Variants in ST6GALNAC5 observed in about 807,000 individuals in gnomAD.
ST6GALNAC5 encodes alpha-N-acetylgalactosaminide alpha-2,6-sialyltransferase 5.
In ST6GALNAC5, 27 loss-of-function variants were observed where a neutral mutation model predicts 33.6. That is an observed-to-expected ratio of 0.80 (90% CI 0.59 to 1.11). The LOEUF is 1.11. ST6GALNAC5 is among the 50% of genes least tolerant of loss of function. The probability of loss-of-function intolerance (pLI) is 0.00; values close to 1 mark genes in which losing one functional copy is unlikely to be tolerated. For synonymous variants in ST6GALNAC5, 194 were observed against 171.2 expected (o/e 1.13, Z -1.04); for missense variants, 428 against 454.0 (o/e 0.94, Z 0.52).
chr1:76,917,848 G>T (rs1646991073), intron 2 of ST6GALNAC5, among the ~76,000 whole-genome samples: 1 of 152,012 alleles, frequency 6.6e-6, no homozygotes, highest in Non-Finnish European at 1.5e-5. Context: ...GAGTCCAAAG[G>T]CAGGAAAAGA....
At chr1:76,985,192 G>A (rs754647036) in intron 2 of ST6GALNAC5, among the ~76,000 whole-genome samples, 2 of 152,090 alleles carry the variant, frequency 1.3e-5, no homozygotes, top group Non-Finnish European at 2.9e-5. Context: ...AAGAAAGAAA[G>A]GGTATTCAAT....
chr1:77,051,554 ACT>A (rs574100215), intron 4 of ST6GALNAC5, among the ~76,000 whole-genome samples: 96 of 152,094 alleles, frequency 6.3e-4, no homozygotes, highest in South Asian at 1.7e-3. Flanking sequence ...ATAGTAATAG[ACT>A]CTGCCTCAAA....
intron 2 of ST6GALNAC5, among the ~76,000 whole-genome samples, chr1:77,015,814 G>A (rs1650810180): frequency 6.6e-6 from 1 of 152,056 alleles, no homozygotes; most frequent in South Asian, 2.1e-4. Context: ...CAAAGCCCCA[G>A]AGGCAAGACA....
chr1:76,966,239 G>C (rs1557739893), intron 2 of ST6GALNAC5, among the ~76,000 whole-genome samples: 1 of 152,176 alleles, frequency 6.6e-6, no homozygotes, highest in Non-Finnish European at 1.5e-5. Context: ...CATGAGCATG[G>C]AAGGTTCTTC....
chr1:77,001,744 T>G (rs1277318426), intron 2 of ST6GALNAC5, among the ~76,000 whole-genome samples: 2 of 150,246 alleles, frequency 1.3e-5, no homozygotes, highest in East Asian at 4.0e-4. Flanking sequence ...TCTATTGAGA[T>G]AATCATGTGG....
chr1:76,891,318 A>G (rs990040924), intron 2 of ST6GALNAC5, among the ~76,000 whole-genome samples: 1 of 152,148 alleles, frequency 6.6e-6, no homozygotes, highest in East Asian at 1.9e-4. Context: ...ATCTCCTTGT[A>G]GTTTGAATTT....
At chr1:77,031,170 A>G (rs1651437954) in intron 2 of ST6GALNAC5, among the ~76,000 whole-genome samples, 1 of 152,242 alleles carries the variant, frequency 6.6e-6, no homozygotes, top group Non-Finnish European at 1.5e-5. Flanking sequence ...TCCATCAATG[A>G]TTAGCAAATG....
intron 2 of ST6GALNAC5, among the ~76,000 whole-genome samples, chr1:77,017,451 A>G (rs549602282): frequency 1.0e-3 from 159 of 152,280 alleles, no homozygotes; most frequent in African/African-American, 3.7e-3. Flanking sequence ...GGCATGGGTG[A>G]GGGTCAAGGG....
chr1:76,887,080 C>T (rs1653913645), intron 2 of ST6GALNAC5, among the ~76,000 whole-genome samples: 1 of 152,138 alleles, frequency 6.6e-6, no homozygotes, highest in Admixed American at 6.6e-5. Flanking sequence ...CATGGCAGCA[C>T]TTGAGTCTCC....
chr1:76,913,716 C>G (rs1646938318), intron 2 of ST6GALNAC5, among the ~76,000 whole-genome samples: 1 of 151,694 alleles, frequency 6.6e-6, no homozygotes, highest in Admixed American at 6.6e-5. Context: ...GGCATCGGCT[C>G]CAAACCCACA....
intron 2 of ST6GALNAC5, among the ~76,000 whole-genome samples, chr1:76,997,313 T>A (rs905187781): frequency 1.3e-5 from 2 of 152,136 alleles, no homozygotes; most frequent in South Asian, 4.1e-4. Context: ...GAGAAGACTG[T>A]TAGGAACAAT....
At chr1:76,972,038 G>A (rs942175790) in intron 2 of ST6GALNAC5, among the ~76,000 whole-genome samples, 3 of 152,088 alleles carry the variant, frequency 2.0e-5, no homozygotes, top group South Asian at 2.1e-4. Context: ...TAATCATTTT[G>A]TATTAGTCTG....
intron 2 of ST6GALNAC5, among the ~76,000 whole-genome samples, chr1:76,983,674 G>A (rs531668805): frequency 7.2e-5 from 11 of 152,252 alleles, no homozygotes; most frequent in East Asian, 1.9e-4. Context: ...ATAGACAGCT[G>A]CAGAACTCTC....
At chr1:76,988,001 C>A (rs1278171254) in intron 2 of ST6GALNAC5, among the ~76,000 whole-genome samples, 1 of 152,114 alleles carries the variant, frequency 6.6e-6, no homozygotes, top group African/African-American at 2.4e-5. Flanking sequence ...TCCTTAGAAA[C>A]ACCAATTATT....
chr1:76,937,942 G>GA (rs1647232367), intron 2 of ST6GALNAC5, among the ~76,000 whole-genome samples: 1 of 151,942 alleles, frequency 6.6e-6, no homozygotes, highest in South Asian at 2.1e-4. Context: ...ACACACGTAT[G>GA]TTTCCTGTCG....
At chr1:76,979,712 A>C (rs1444493918) in intron 2 of ST6GALNAC5, among the ~76,000 whole-genome samples, 3 of 152,228 alleles carry the variant, frequency 2.0e-5, no homozygotes, top group African/African-American at 4.8e-5. Flanking sequence ...AGATCACCTG[A>C]GATCAAGAAT....
chr1:76,872,112 CACACACCA>C (rs1201764458), intron 2 of ST6GALNAC5, among the ~76,000 whole-genome samples: 28 of 131,762 alleles, frequency 2.1e-4, no homozygotes, highest in African/African-American at 8.8e-4. Context: ...CACACACACA[CACACACCA>C]CACACATTAA....
At chr1:76,964,279 C>T (rs1378290658) in intron 2 of ST6GALNAC5, among the ~76,000 whole-genome samples, 1 of 152,166 alleles carries the variant, frequency 6.6e-6, no homozygotes, top group Admixed American at 6.6e-5. Flanking sequence ...AGTAATCTTA[C>T]GGATTTCCCT....
At chr1:76,966,318 A>G (rs933779074) in intron 2 of ST6GALNAC5, among the ~76,000 whole-genome samples, 1 of 152,164 alleles carries the variant, frequency 6.6e-6, no homozygotes, top group Admixed American at 6.5e-5. Context: ...GGTCCTTCAC[A>G]TCCCTTGTAA....
Sources: allele counts gnomAD v4.1 joint callset (sites outside exome capture counted in the v4.1 genomes callset), GRCh38; gene constraint gnomAD v4.1.1; transcripts MANE v1.5; gene names NCBI Gene and HGNC (gene_info 2026-07-23, HGNC 2026-07-21).